FAM184B: variants seen among roughly 807,000 people sequenced by gnomAD.
FAM184B encodes family with sequence similarity 184 member B.
FAM184B carries 111 observed loss-of-function variants against 135.9 expected under a neutral mutation model. The observed-to-expected ratio is 0.82, with a 90% CI of 0.70 to 0.96. The LOEUF is 0.96. Ranked by LOEUF, FAM184B falls within the 40% of genes least tolerant of loss-of-function variation. FAM184B has a pLI of 0.00. For missense variants in FAM184B, 1,375 were observed against 1,323.9 expected (o/e 1.04, Z -0.60); for synonymous variants, 552 against 524.8 (o/e 1.05, Z -0.71).
At chr4:17,754,082 G>A (rs1317941842) in intron 1 of FAM184B, among the ~76,000 whole-genome samples, 1 of 152,162 alleles carries the variant, frequency 6.6e-6, no homozygotes, top group East Asian at 1.9e-4. Flanking sequence ...TGAACCAGAA[G>A]TCAACACAGC....
chr4:17,664,418 T>C, intron 8 of FAM184B, 144 bp downstream of exon 8: 1 of 628,758 alleles, frequency 1.6e-6, no homozygotes, highest in Non-Finnish European at 2.7e-6. Flanking sequence ...GCTGAAGACA[T>C]ACAAGATATG....
At chr4:17,748,420 G>C (rs1313703275) in intron 1 of FAM184B, among the ~76,000 whole-genome samples, 1 of 151,638 alleles carries the variant, frequency 6.6e-6, no homozygotes, top group East Asian at 1.9e-4. Flanking sequence ...AGACTCTTTG[G>C]TCCATTGATA....
intron 7 of FAM184B, among the ~76,000 whole-genome samples, chr4:17,684,323 A>G (rs1158355145): frequency 6.6e-6 from 1 of 151,758 alleles, no homozygotes; most frequent in East Asian, 1.9e-4. Context: ...GATACATAAG[A>G]AGAGAGAAAA....
chr4:17,769,362 A>C (rs929355404), intron 1 of FAM184B, among the ~76,000 whole-genome samples: 15 of 152,088 alleles, frequency 9.9e-5, no homozygotes, highest in African/African-American at 3.6e-4. Flanking sequence ...TTCTTTAAAA[A>C]CTTTTTCTTT....
At position 17,642,236 on chromosome 4, in the gene FAM184B, A is replaced by G. The variant is rs1305491441; in HGVS notation, c.2347-8T>C. The G allele has an allele frequency of 1.9e-5, 28 of 1,476,696 alleles. No homozygotes were observed. Among genetic ancestry groups the G allele is most frequent in the Non-Finnish European group, 2.5e-5 (28 of 1,124,210 alleles). The allele number at this position is 1,476,696 out of a possible 1,614,324, so 91.5% of individuals were successfully genotyped here. ...GCCCGGGCCGCCCCGCTCCTGAGGAAGGCAACCAGGAGAGGTGTTTTCAGG... is the reference window on the plus strand; with the variant it reads ...GCCCGGGCCGCCCCGCTCCTGAGGAGGGCAACCAGGAGAGGTGTTTTCAGG... On this transcript the variant is annotated splice_polypyrimidine_tract_variant and splice_region_variant and intron_variant, in intron 12 of 17. Transcript: ENST00000265018.
At position 17,636,562 on chromosome 4, in the gene FAM184B, A is replaced by G. The variant is rs1158419165; in HGVS notation, c.2750T>C (p.Leu917Pro). The change falls in exon 15 of 18, where the codon CTG becomes CCG. Residue 917 changes from leucine to proline, a missense_variant. Transcript: ENST00000265018. ...CTTGATGATGTCCTCTCTCTCCTTCAGGCGGGTCTGCAGGCGGCCAATGAG... is the reference window on the plus strand; with the variant it reads ...CTTGATGATGTCCTCTCTCTCCTTCGGGCGGGTCTGCAGGCGGCCAATGAG... The part of the protein sequence containing the change: ...LQLIGRLQTR[L>P]KEREDIIKQL... 31 of 1,550,906 alleles carry G rather than the reference A, an allele frequency of 2.0e-5. No individual in the cohort carries two copies. The highest frequency in any genetic ancestry group is 2.6e-5 in the Non-Finnish European group (30 of 1,146,850).
chr4:17,742,314 T>G (rs909604367), intron 1 of FAM184B, among the ~76,000 whole-genome samples: 1 of 151,450 alleles, frequency 6.6e-6, no homozygotes, highest in African/African-American at 2.4e-5. Context: ...ACAAAAAATT[T>G]AAAAAATCAG....
In FAM184B at chr4:17,693,326, C is replaced by T; in HGVS notation, c.1464G>A (p.Val488=). The T allele has an allele frequency of 6.4e-7, 1 of 1,551,574 alleles. No individual in the cohort carries two copies. The highest frequency in any genetic ancestry group is 8.7e-7 in the Non-Finnish European group (1 of 1,146,896). The change falls in exon 6 of 18, where the codon GTG becomes GTA. Residue 488 remains valine (V), a synonymous_variant. Transcript: ENST00000265018. Reference sequence around the variant, plus strand: ...CCTCAAGCAGAGAATTCTGAAGCTTCACATTGAGGGCTGCTTTCTCTTCTT... The same window carrying T: ...CCTCAAGCAGAGAATTCTGAAGCTTTACATTGAGGGCTGCTTTCTCTTCTT... The part of the protein sequence containing the change: ...QLEEEKAALN[V]KLQNSLLEVL...
chr4:17,737,099 G>A (rs1005566235), intron 1 of FAM184B, among the ~76,000 whole-genome samples: 2 of 151,782 alleles, frequency 1.3e-5, no homozygotes, highest in East Asian at 1.9e-4. Flanking sequence ...AGCTGAGATC[G>A]TGCCATTGCA....
chr4:17,632,648 T>C, intron 17 of FAM184B, 23 bp from the exon 18 acceptor site: 1 of 1,485,982 alleles, frequency 6.7e-7, no homozygotes, highest in African/African-American at 1.4e-5. Flanking sequence ...AAAGGTTTTT[T>C]TATATGGTTT....
At chr4:17,717,226 T>C (rs1717416076) in intron 1 of FAM184B, among the ~76,000 whole-genome samples, 1 of 152,202 alleles carries the variant, frequency 6.6e-6, no homozygotes, top group Admixed American at 6.5e-5. Flanking sequence ...AATAGGGTAA[T>C]ATATCTTAGG....
chr4:17,777,679 CT>C (rs1206395229), intron 1 of FAM184B, among the ~76,000 whole-genome samples: 1 of 152,070 alleles, frequency 6.6e-6, no homozygotes, highest in East Asian at 1.9e-4. Flanking sequence ...AAGACAAAAT[CT>C]TTTTTTAAAA....
At chr4:17,657,655 C>CTTTTTTT (rs58666074) in intron 10 of FAM184B, among the ~76,000 whole-genome samples, 16 of 114,412 alleles carry the variant, frequency 1.4e-4, no homozygotes, top group African/African-American at 2.4e-4. Context: ...CTGAGCTGTT[C>CTTTTTTT]TTTTTTTTTT....
chr4:17,781,338 T>C lies in FAM184B; in HGVS notation c.-39A>G, dbSNP rs370400992. The C allele has an allele frequency of 6.7e-7, 1 of 1,485,766 alleles. No homozygotes were observed. The highest frequency in any genetic ancestry group is 2.7e-5 in the East Asian group (1 of 37,638). The allele number at this position is 1,485,766 out of a possible 1,614,324, so 92.0% of individuals were successfully genotyped here. On this transcript the variant is annotated 5_prime_UTR_variant, in exon 1 of 18. Coordinates refer to ENST00000265018, the MANE Select transcript of FAM184B (RefSeq NM_015688.2). The surrounding 1 kb of genome is among the most constrained non-coding windows in gnomAD (Gnocchi z 6.5). ...CCAGCACTCAGACTCTCTCGTTTTC[T>C]CCCTGCCCACCGTGTGCACGTGCGT...
intron 11 of FAM184B, among the ~76,000 whole-genome samples, chr4:17,652,218 G>T (rs181210377): frequency 7.1e-6 from 1 of 141,366 alleles, no homozygotes; most frequent in African/African-American, 2.6e-5. Flanking sequence ...TCTGCCTCCC[G>T]GGTTCACGCC....
chr4:17,748,999 T>A (rs1271271796), intron 1 of FAM184B, among the ~76,000 whole-genome samples: 1 of 150,858 alleles, frequency 6.6e-6, no homozygotes, highest in Non-Finnish European at 1.5e-5. Flanking sequence ...GCTAATTTTT[T>A]TTTTTTTTTT....
rs1301146134 is a variant in FAM184B, at chr4:17,636,657, A to G, written c.2667-12T>C. 3 of 1,537,774 alleles carry G rather than the reference A, an allele frequency of 2.0e-6. No homozygotes were observed. The South Asian group carries it at 3.6e-5, about 19-fold the overall frequency. On this transcript the variant is annotated splice_polypyrimidine_tract_variant and intron_variant, in intron 14 of 17. Coordinates refer to ENST00000265018, the MANE Select transcript of FAM184B (RefSeq NM_015688.2). ...CGGAATCTTTCAGTCTGTTCCAAGC[A>G]GGCATGCAGTCAAGTCCCCCTTACA...
intron 5 of FAM184B, among the ~76,000 whole-genome samples, chr4:17,695,205 C>A (rs1716828030): frequency 6.6e-6 from 1 of 150,980 alleles, no homozygotes; most frequent in Non-Finnish European, 1.5e-5. Flanking sequence ...GTCACCCAGA[C>A]TGGATGGAGT....
intron 1 of FAM184B, among the ~76,000 whole-genome samples, chr4:17,713,348 AG>A: frequency 6.6e-6 from 1 of 152,220 alleles, no homozygotes; most frequent in Non-Finnish European, 1.5e-5. Context: ...TTGTCCTTCC[AG>A]GAAGATCCTG....
Sources: gnomAD v4.1 joint callset for allele counts (sites outside exome capture counted in the v4.1 genomes callset) on GRCh38, gnomAD v4.1.1 for gene constraint, Gnocchi (gnomAD v3.1) non-coding constraint, MANE v1.5 for transcripts, NCBI Gene and HGNC (gene_info 2026-07-23, HGNC 2026-07-21) for gene names.